The following USP49 variants were observed in gnomAD, a reference collection of about 807,000 sequenced individuals.
USP49 encodes ubiquitin carboxyl-terminal hydrolase 49.
A neutral mutation model predicts 58.6 loss-of-function variants in USP49; 24 were observed. That is an observed-to-expected ratio of 0.41 (90% CI 0.30 to 0.58). USP49 has a LOEUF of 0.58. Among genes scored for constraint, USP49 ranks in the 20% least tolerant of loss-of-function variants. The pLI, the probability that USP49 is intolerant of heterozygous loss-of-function variation, is 0.30. For missense variants in USP49, 703 were observed against 866.1 expected (o/e 0.81, Z 2.36); for synonymous variants, 408 against 365.1 (o/e 1.12, Z -1.34).
At position 41,798,528 on chromosome 6, in the gene USP49, G is replaced by A. The variant is rs143673611; in HGVS notation, c.1876+196C>T. 1.3e-3 allele frequency: 1,857 copies of A among 1,451,318 alleles called. 16 individuals carry two copies. In the African/African-American group the frequency reaches 0.023, roughly 18 times the overall value. 89.9% of individuals were successfully genotyped at this position (1,451,318 alleles called of 1,614,324 possible). On this transcript the variant is annotated intron_variant, in intron 7 of 7. Coordinates refer to ENST00000682992, the MANE Select transcript of USP49 (RefSeq NM_001286554.2). ...TGACCTCAGGTGATCCACCCACCGC[G>A]GCCTCCCAAAGCGCTAGGATTACAG...
chr6:41,881,695 G>A (rs996560446), intron 2 of USP49, among the ~76,000 whole-genome samples: 1 of 152,036 alleles, frequency 6.6e-6, no homozygotes, highest in Non-Finnish European at 1.5e-5. Flanking sequence ...AAGAGAAAAA[G>A]AAGAATGTTT....
intron 3 of USP49, among the ~76,000 whole-genome samples, chr6:41,834,967 G>GA (rs1463735382): frequency 1.3e-5 from 2 of 152,080 alleles, no homozygotes; most frequent in Non-Finnish European, 2.9e-5. Flanking sequence ...AAATAGGAAA[G>GA]AAAAAAATAA....
intron 3 of USP49, among the ~76,000 whole-genome samples, chr6:41,815,400 G>A (rs1355173540): frequency 3.2e-4 from 48 of 151,282 alleles, no homozygotes; most frequent in South Asian, 1.9e-3. Context: ...CAGCCTGGGC[G>A]ACAGAGTGAG....
rs200466207 is a variant in USP49, at chr6:41,861,573, C to CA, written c.-29+9990dup. Among the ~76,000 whole-genome samples the CA allele has an allele frequency of 3.9e-3, 593 of 152,298 alleles. 4 individuals carry two copies. Among genetic ancestry groups the CA allele is most frequent in the African/African-American group, 0.014 (574 of 41,556 alleles). On this transcript the variant is annotated intron_variant, in intron 3 of 7. Transcript: ENST00000682992. Reference sequence around the variant, plus strand: ...GTTAACTGAGCATCCTTCTGGGGCACATTTCCAAGAATATTTTATGCATTT... The same window carrying CA: ...GTTAACTGAGCATCCTTCTGGGGCACAATTTCCAAGAATATTTTATGCATTT...
At chr6:41,810,107 G>A (rs1432287245) in intron 3 of USP49, among the ~76,000 whole-genome samples, 3 of 151,504 alleles carry the variant, frequency 2.0e-5, no homozygotes, top group East Asian at 1.9e-4. Context: ...AGCCGAGATC[G>A]CGCCACTGCA....
In USP49 at chr6:41,810,031, A is replaced by G. The variant is rs190766243; in HGVS notation, c.-28-3020T>C. 9.3e-3 allele frequency among the ~76,000 whole-genome samples: 1,345 copies of G among 144,248 alleles called. 27 individuals are homozygous for G. The highest frequency in any genetic ancestry group is 0.033 in the African/African-American group (1,294 of 39,112). 94.6% of individuals were successfully genotyped at this position (144,248 alleles called of 152,430 possible). A position where few individuals can be genotyped will look rare whatever the true frequency, so the allele number is the denominator to read the frequency against. On this transcript the variant is annotated intron_variant, in intron 3 of 7. Coordinates refer to ENST00000682992, the MANE Select transcript of USP49 (RefSeq NM_001286554.2). ...GCCGGGCGCGGTGGCGGGTGCCTTT[A>G]GTCCCAGCTGCTCCGGAGGCTGAGG...
At chr6:41,805,427 G>A (rs1773094454) in intron 4 of USP49, among the ~76,000 whole-genome samples, 1 of 152,144 alleles carries the variant, frequency 6.6e-6, no homozygotes, top group African/African-American at 2.4e-5. Context: ...CTAAAAATCT[G>A]GCCGGAAAGA....
intron 2 of USP49, among the ~76,000 whole-genome samples, chr6:41,891,338 A>G (rs1348631234): frequency 6.6e-6 from 1 of 152,260 alleles, no homozygotes; most frequent in East Asian, 1.9e-4. Flanking sequence ...TATTTGTAAT[A>G]TAAGATAATT....
intron 3 of USP49, among the ~76,000 whole-genome samples, chr6:41,840,659 C>T (rs1773809445): frequency 6.6e-6 from 1 of 151,994 alleles, no homozygotes; most frequent in Non-Finnish European, 1.5e-5. Context: ...TTTTTAAAGA[C>T]CTGTATAAAC....
chr6:41,827,532 C>T (rs777137416), intron 3 of USP49, among the ~76,000 whole-genome samples: 34 of 151,906 alleles, frequency 2.2e-4, no homozygotes, highest in Non-Finnish European at 4.1e-4. Context: ...TGGTGGTGGG[C>T]GCCTGTAGTC....
Position 41,812,625 on chromosome 6 carries a change from G to A in USP49, c.-28-5614C>T, listed in dbSNP as rs184455452. ...GGAGAATGGCATGAACCCGGGAGGC[G>A]GAGCTTGCAGTGAGCCGAGATCACA... is the stretch of plus-strand genomic sequence containing the variant. On this transcript the variant is annotated intron_variant, in intron 3 of 7. Coordinates refer to ENST00000682992, the MANE Select transcript of USP49 (RefSeq NM_001286554.2). Among the ~76,000 whole-genome samples the A allele has an allele frequency of 6.2e-3, 936 of 151,758 alleles. 8 individuals are homozygous for A. Among genetic ancestry groups the A allele is most frequent in the African/African-American group, 0.02 (814 of 41,398 alleles).
chr6:41,875,981 C>T (rs1332224714), intron 2 of USP49, among the ~76,000 whole-genome samples: 3 of 152,132 alleles, frequency 2.0e-5, no homozygotes, highest in African/African-American at 4.8e-5. Flanking sequence ...CCACCTGCCT[C>T]GGCCTCCCAA....
chr6:41,872,626 C>T (rs965020700), intron 2 of USP49, among the ~76,000 whole-genome samples: 5 of 151,850 alleles, frequency 3.3e-5, no homozygotes, highest in South Asian at 2.1e-4. Flanking sequence ...CGGCCAGGCA[C>T]GGTGGCTCAC....
chr6:41,811,429 T>G (rs2127327410), intron 3 of USP49, among the ~76,000 whole-genome samples: 1 of 152,316 alleles, frequency 6.6e-6, no homozygotes, highest in South Asian at 2.1e-4. Flanking sequence ...GTGCCTCATT[T>G]AAAAACTAAA....
Position 41,802,476 on chromosome 6 carries a change from TTTA to T in USP49, c.1561+1327_1561+1329del, listed in dbSNP as rs1364971899. ...TATTTATTTATTTATTTATTTTTTA[TTTA>T]TTTTTTTTTTTTGAGACAGCATCTC... On this transcript the variant is annotated intron_variant, in intron 5 of 7. Coordinates refer to ENST00000682992, the MANE Select transcript of USP49 (RefSeq NM_001286554.2). Among the ~76,000 whole-genome samples the T allele has an allele frequency of 3.6e-3, 294 of 82,330 alleles. 2 individuals carry two copies. Among genetic ancestry groups the T allele is most frequent in the East Asian group, 0.011 (36 of 3,300 alleles). The allele number at this position is 82,330 out of a possible 152,430, so 54.0% of individuals were successfully genotyped here.
rs544102103 is a variant in USP49 at position 41,798,908 on chromosome 6, T to G, written c.1692A>C (p.Arg564=). 6.2e-7 allele frequency: 1 copy of G among 1,613,846 alleles called. No individual in the cohort carries two copies. Among genetic ancestry groups the G allele is most frequent in the African/African-American group, 1.3e-5 (1 of 74,976 alleles). Residue 564 remains arginine, a synonymous_variant, in exon 7 of 8, where the codon CGA becomes CGC. Transcript: ENST00000682992. The part of the protein sequence containing the change: ...KRFRWSGRNH[R]EKIGVHVVFD... ...AGACGACATGGACCCCAATCTTCTC[T>G]CGATGATTACGGCCAGACCACCTAG...
chr6:41,807,158 T>C (rs1388881188), intron 3 of USP49, 147 bp from the exon 4 acceptor site: 1 of 923,664 alleles, frequency 1.1e-6, no homozygotes, highest in East Asian at 3.0e-5. Context: ...AATTGGTTCC[T>C]TTGAAAGTTA....
chr6:41,828,549 T>C (rs1189627478), intron 3 of USP49, among the ~76,000 whole-genome samples: 1 of 152,206 alleles, frequency 6.6e-6, no homozygotes, highest in East Asian at 1.9e-4. Flanking sequence ...AGATCAAGCT[T>C]TGCCTATTTT....
chr6:41,879,174 T>A (rs1315313864), intron 2 of USP49, among the ~76,000 whole-genome samples: 1 of 152,186 alleles, frequency 6.6e-6, no homozygotes, highest in East Asian at 1.9e-4. Context: ...GTGGGAGGAC[T>A]GCTTGAGGCC....
Sources: gnomAD v4.1 joint callset for allele counts (sites outside exome capture counted in the v4.1 genomes callset) on GRCh38, gnomAD v4.1.1 for gene constraint, MANE v1.5 for transcripts, NCBI Gene and HGNC (gene_info 2026-07-23, HGNC 2026-07-21) for gene names.